C8orf89: variants seen among roughly 807,000 people sequenced by gnomAD.
C8orf89 encodes the protein chromosome 8 open reading frame 89.
In C8orf89, 14 loss-of-function variants were observed where a neutral mutation model predicts 15.8. That is an observed-to-expected ratio of 0.89 (90% CI 0.59 to 1.39). C8orf89 has a LOEUF of 1.39. Ranked by LOEUF, C8orf89 falls within the 40% of genes most tolerant of loss-of-function variation. The probability of loss-of-function intolerance (pLI) is 0.00; values close to 1 mark genes in which losing one functional copy is unlikely to be tolerated. For missense variants in C8orf89, 181 were observed against 184.5 expected (o/e 0.98, Z 0.11); for synonymous variants, 55 against 62.2 (o/e 0.88, Z 0.54).
the C8orf89 span, among the ~76,000 whole-genome samples, chr8:73,284,731 G>A: frequency 2.0e-5 from 3 of 152,168 alleles, no homozygotes; most frequent in Non-Finnish European, 4.4e-5. Context: ...TTTGAAAAAT[G>A]TAAGGAAGAA....
the C8orf89 span, chr8:73,277,241 T>C: frequency 2.3e-6 from 1 of 437,866 alleles, no homozygotes; most frequent in Non-Finnish European, 4.1e-6. Flanking sequence ...TAATAATCCA[T>C]ACTGAGAATA....
chr8:73,268,485 C>CA, the C8orf89 span, among the ~76,000 whole-genome samples: 52 of 143,490 alleles, frequency 3.6e-4, no homozygotes, highest in Admixed American at 6.2e-4. Flanking sequence ...TCTCAAAAAA[C>CA]AAAAAAAAAA....
At chr8:73,256,131 A>T (rs1246002935) in intron 2 of C8orf89, among the ~76,000 whole-genome samples, 1 of 89,456 alleles carries the variant, frequency 1.1e-5, no homozygotes, top group Non-Finnish European at 2.0e-5. Flanking sequence ...ATAAATAACA[A>T]ATAATAATAA....
chr8:73,244,157 A>G (rs1813070371), intron 3 of C8orf89, among the ~76,000 whole-genome samples: 1 of 152,100 alleles, frequency 6.6e-6, no homozygotes, highest in African/African-American at 2.4e-5. Context: ...GTAAAATAAA[A>G]TCGTTCACTT....
chr8:73,280,752 CACATAT>C, the C8orf89 span, among the ~76,000 whole-genome samples: 7 of 144,740 alleles, frequency 4.8e-5, no homozygotes, highest in African/African-American at 1.7e-4. Context: ...TACACACACA[CACATAT>C]ACATACATAC....
chr8:73,241,430 A>G lies in C8orf89; in HGVS notation c.*27T>C. On this transcript the variant is annotated 3_prime_UTR_variant, in exon 4 of 4. Coordinates refer to ENST00000624510, the MANE Select transcript of C8orf89 (RefSeq NM_001243237.3). Reference sequence around the variant, plus strand: ...AAATATAAAGCTTAAAAGTCACTGAAGAAAGCATCACACTGTACGACATTT... The same window carrying G: ...AAATATAAAGCTTAAAAGTCACTGAGGAAAGCATCACACTGTACGACATTT... The G allele has an allele frequency of 1.4e-6, 2 of 1,419,024 alleles. No individual in the cohort carries two copies. Among genetic ancestry groups the G allele is most frequent in the Non-Finnish European group, 1.8e-6 (2 of 1,084,306 alleles). 87.9% of individuals were successfully genotyped at this position (1,419,024 alleles called of 1,614,324 possible). A position where few individuals can be genotyped will look rare whatever the true frequency, so the allele number is the denominator to read the frequency against.
chr8:73,261,777 G>A (rs959702729), upstream of C8orf89, among the ~76,000 whole-genome samples: 1 of 152,148 alleles, frequency 6.6e-6, no homozygotes, highest in East Asian at 1.9e-4. Context: ...GGACAGCAAA[G>A]GGAAGGGGAG....
the C8orf89 span, among the ~76,000 whole-genome samples, chr8:73,280,389 T>G: frequency 6.6e-6 from 1 of 152,168 alleles, no homozygotes; most frequent in Non-Finnish European, 1.5e-5. Flanking sequence ...TATTTATTTT[T>G]AAACGGAGTC....
At chr8:73,265,599 C>T in the C8orf89 span, among the ~76,000 whole-genome samples, 2 of 152,108 alleles carry the variant, frequency 1.3e-5, no homozygotes, top group Non-Finnish European at 2.9e-5. Flanking sequence ...AAAAGAACTT[C>T]TCTGTTCAAG....
chr8:73,257,631 A>G (rs2130286136), intron 1 of C8orf89, among the ~76,000 whole-genome samples: 1 of 152,330 alleles, frequency 6.6e-6, no homozygotes, highest in South Asian at 2.1e-4. Flanking sequence ...AAATCTGTAA[A>G]CCATCACCTT....
chr8:73,256,785 C>A (rs1336422591), intron 2 of C8orf89, among the ~76,000 whole-genome samples, 188 bp downstream of exon 2: 8 of 94,102 alleles, frequency 8.5e-5, no homozygotes, highest in African/African-American at 1.2e-4. Flanking sequence ...CACTCGAAAA[C>A]AGAGAAAAGT....
chr8:73,271,808 G>A, the C8orf89 span, among the ~76,000 whole-genome samples: 10 of 151,994 alleles, frequency 6.6e-5, no homozygotes, highest in African/African-American at 2.4e-4. Flanking sequence ...ACAATCATGA[G>A]GGGGGAAACC....
At chr8:73,255,709 C>G (rs1813360902) in intron 2 of C8orf89, among the ~76,000 whole-genome samples, 1 of 149,096 alleles carries the variant, frequency 6.7e-6, no homozygotes, top group Admixed American at 6.7e-5. Context: ...GGAACCAACC[C>G]AAATGTCCAA....
At chr8:73,277,444 A>G in the C8orf89 span, 3 of 1,141,652 alleles carry the variant, frequency 2.6e-6, no homozygotes, top group African/African-American at 3.1e-5. Flanking sequence ...TTTGTCTCCA[A>G]ATTCTTTTTC....
the C8orf89 span, among the ~76,000 whole-genome samples, chr8:73,284,089 G>A: frequency 6.6e-6 from 1 of 150,454 alleles, no homozygotes; most frequent in Non-Finnish European, 1.5e-5. Context: ...TGCATTGTTT[G>A]TAACAGGGAA....
the C8orf89 span, among the ~76,000 whole-genome samples, chr8:73,281,797 G>T: frequency 6.6e-6 from 1 of 152,212 alleles, no homozygotes; most frequent in African/African-American, 2.4e-5. Context: ...TTTGTTCTAG[G>T]AAGTGGCTGC....
the C8orf89 span, among the ~76,000 whole-genome samples, chr8:73,272,994 A>G: frequency 2.0e-5 from 3 of 152,206 alleles, no homozygotes; most frequent in African/African-American, 4.8e-5. Flanking sequence ...TCTCTCTCCT[A>G]TAATGCCAAG....
upstream of C8orf89, among the ~76,000 whole-genome samples, chr8:73,262,880 A>C (rs1225005207): frequency 6.6e-6 from 1 of 152,172 alleles, no homozygotes; most frequent in Non-Finnish European, 1.5e-5. Context: ...ATATAACTTA[A>C]GGAATATGCT....
chr8:73,275,242 T>G, the C8orf89 span, among the ~76,000 whole-genome samples: 18 of 140,002 alleles, frequency 1.3e-4, no homozygotes, highest in East Asian at 3.4e-3. Flanking sequence ...TTTTTTTTTT[T>G]TTTTTTTTTT....
Sources: gnomAD v4.1 joint callset for allele counts (sites outside exome capture counted in the v4.1 genomes callset) on GRCh38, gnomAD v4.1.1 for gene constraint, MANE v1.5 for transcripts, NCBI Gene and HGNC (gene_info 2026-07-23, HGNC 2026-07-21) for gene names.